Variants in CCDC180 observed in about 807,000 individuals in gnomAD.
CCDC180 encodes the protein coiled-coil domain-containing protein 180.
A neutral mutation model predicts 209.2 loss-of-function variants in CCDC180; 154 were observed. The observed-to-expected ratio is 0.74, with a 90% confidence interval of 0.65 to 0.84. The LOEUF (loss-of-function observed/expected upper bound fraction) is 0.84, where lower values mean the gene tolerates loss of function less well. Among genes scored for constraint, CCDC180 ranks in the 40% least tolerant of loss-of-function variants. The probability of loss-of-function intolerance (pLI) is 0.00; values close to 1 mark genes in which losing one functional copy is unlikely to be tolerated. For synonymous variants in CCDC180, 778 were observed against 749.1 expected (o/e 1.04, Z -0.63); for missense variants, 1,874 against 1,997.3 (o/e 0.94, Z 1.18).
intron 18 of CCDC180, among the ~76,000 whole-genome samples, chr9:97,334,221 T>C (rs1254395181): frequency 6.6e-6 from 1 of 152,178 alleles, no homozygotes; most frequent in Non-Finnish European, 1.5e-5. Context: ...CTCACTCAGC[T>C]ACTAATGGAA....
intron 10 of CCDC180, among the ~76,000 whole-genome samples, chr9:97,319,293 TAAAATA>T (rs1221379222): frequency 6.6e-6 from 1 of 151,336 alleles, no homozygotes; most frequent in African/African-American, 2.4e-5. Context: ...CCCTGGAACT[TAAAATA>T]AAAATAAAAA....
intron 9 of CCDC180, 138 bp downstream of exon 9, chr9:97,317,366 A>G: frequency 1.4e-6 from 1 of 725,372 alleles, no homozygotes; most frequent in Non-Finnish European, 2.1e-6. Flanking sequence ...TTAGAAATAG[A>G]TAAAGGTATA....
At chr9:97,320,354 G>A (rs1833319394) in intron 11 of CCDC180, 149 bp downstream of exon 11, 1 of 714,702 alleles carries the variant, frequency 1.4e-6, no homozygotes, top group South Asian at 1.7e-5. Flanking sequence ...GGGCTCAAAA[G>A]GCCCCCCTCC....
rs1345633549 is a variant in CCDC180, at chr9:97,362,208, A to C, written c.3669A>C (p.Thr1223=). ...VIRKLLQLPN[T]KWPTHHCDKD... is the part of the protein sequence containing the mutation. The stretch of plus-strand genomic sequence containing the variant: ...CCTTTGGTTTCAGACTTCCCAACAC[A>C]AAATGGCCAACCCACCATTGTGACA... Residue 1223 remains threonine, a synonymous_variant, in exon 28 of 37, where the codon ACA becomes ACC. Coordinates refer to ENST00000529487, the MANE Select transcript of CCDC180 (RefSeq NM_020893.6). 1 of 1,612,544 alleles carries C rather than the reference A, an allele frequency of 6.2e-7. No individual in the cohort carries two copies. The highest frequency in any genetic ancestry group is 2.2e-5 in the East Asian group (1 of 44,818).
chr9:97,369,664 CTCCTGGCCTCAAGCAA>C lies in CCDC180; in HGVS notation c.4190-253_4190-238del, dbSNP rs1827022069. 1.8e-5 allele frequency: 6 copies of C among 332,304 alleles called. No homozygotes were observed. In the South Asian group the frequency reaches 2.4e-4, roughly 13 times the overall value. 20.6% of individuals were successfully genotyped at this position (332,304 alleles called of 1,614,324 possible). A position where few individuals can be genotyped will look rare whatever the true frequency, so the allele number is the denominator to read the frequency against. ...GGGTCTTGCCCAAGCTGGTCTTGAA[CTCCTGGCCTCAAGCAA>C]TCCTCCCACCTCAGCCTCCCAAAGT... On this transcript the variant is annotated intron_variant, in intron 31 of 36. Transcript: ENST00000529487.
At chr9:97,327,883 G>A in intron 15 of CCDC180, 137 bp from the exon 16 acceptor site, 1 of 911,432 alleles carries the variant, frequency 1.1e-6, no homozygotes. Flanking sequence ...AAATAGCATA[G>A]CCAAGGACTG....
chr9:97,313,423 TC>T, intron 5 of CCDC180, 78 bp downstream of exon 5: 1 of 935,330 alleles, frequency 1.1e-6, no homozygotes. Context: ...CCAGCCTTCC[TC>T]CCCCTCTCCA....
At chr9:97,371,979 A>G (rs1000749810) in intron 34 of CCDC180, 3 of 255,936 alleles carry the variant, frequency 1.2e-5, no homozygotes, top group African/African-American at 4.4e-5. Context: ...CAGGAGAGCT[A>G]GAAGCCATAG....
intron 31 of CCDC180, chr9:97,369,719 G>A: frequency 3.8e-6 from 2 of 519,946 alleles, no homozygotes; most frequent in East Asian, 3.6e-5. Context: ...GGGATTACAG[G>A]TGTAAGCCAC....
intron 18 of CCDC180, among the ~76,000 whole-genome samples, chr9:97,335,734 A>T (rs931305734): frequency 8.5e-5 from 13 of 152,332 alleles, no homozygotes; most frequent in Admixed American, 5.9e-4. Flanking sequence ...CTAGTTCTAG[A>T]TCCTTGAGGA....
intron 10 of CCDC180, among the ~76,000 whole-genome samples, chr9:97,318,981 G>A (rs1384939408): frequency 1.3e-5 from 2 of 152,140 alleles, no homozygotes; most frequent in Non-Finnish European, 2.9e-5. Context: ...GAGGCTGGAG[G>A]CACCTGTCGG....
At chr9:97,363,231 G>A (rs1246458509) in intron 28 of CCDC180, among the ~76,000 whole-genome samples, 1 of 152,226 alleles carries the variant, frequency 6.6e-6, no homozygotes, top group African/African-American at 2.4e-5. Context: ...AGTTGGAAAT[G>A]AGGACAAAAA....
rs183614382 is a variant in CCDC180 at position 97,378,307 on chromosome 9, G to T, written c.*1413G>T. 3.0e-4 allele frequency: 45 copies of T among 152,322 alleles called. No individual in the cohort carries two copies. In the East Asian group the frequency reaches 8.7e-3, roughly 29 times the overall value. The allele number at this position is 152,322 out of a possible 1,614,324, so 9.4% of individuals were successfully genotyped here. A position where few individuals can be genotyped will look rare whatever the true frequency, so the allele number is the denominator to read the frequency against. ...AAAATGGAATCATAACATGCATTAGGTTCCATAAACTGCTTGGTAAATGTT... is the reference window on the plus strand; with the variant it reads ...AAAATGGAATCATAACATGCATTAGTTTCCATAAACTGCTTGGTAAATGTT... On this transcript the variant is annotated 3_prime_UTR_variant, in exon 37 of 37. Transcript: ENST00000529487.
intron 18 of CCDC180, among the ~76,000 whole-genome samples, chr9:97,331,293 C>T (rs933162685): frequency 2.1e-4 from 32 of 152,142 alleles, no homozygotes; most frequent in African/African-American, 6.8e-4. Context: ...TTTATATGTA[C>T]CACATTTTAT....
In CCDC180 at chr9:97,369,993, A is replaced by G. The variant is rs779651111; in HGVS notation, c.4261A>G (p.Lys1421Glu). 1.9e-6 allele frequency: 3 copies of G among 1,614,052 alleles called. No homozygotes were observed. The highest frequency in any genetic ancestry group is 2.5e-6 in the Non-Finnish European group (3 of 1,180,028). ...GTGTTGGCTGGTGATGGAGAATTTC[A>G]AGGAACACCACTGGAAAAAGTTTTT... ...QVCWLVMENF[K>E]EHHWKKFFTS... The change falls in exon 32 of 37, where the codon AAG becomes GAG. Residue 1421 changes from lysine (K) to glutamate (E), a missense_variant. By Grantham distance (56) the Lys-to-Glu change is moderately conservative. Transcript: ENST00000529487.
At chr9:97,328,504 A>G (rs1291194124) in intron 16 of CCDC180, among the ~76,000 whole-genome samples, 1 of 151,754 alleles carries the variant, frequency 6.6e-6, no homozygotes, top group Non-Finnish European at 1.5e-5. Context: ...TGCAGCCCCC[A>G]CCAAATCCAA....
At chr9:97,315,012 C>T in intron 8 of CCDC180, 66 bp downstream of exon 8, 2 of 1,245,586 alleles carry the variant, frequency 1.6e-6, no homozygotes, top group African/African-American at 1.5e-5. Flanking sequence ...ACCCAGGGCA[C>T]CCCGAGCCTG....
intron 22 of CCDC180, among the ~76,000 whole-genome samples, chr9:97,352,959 A>T (rs1283274546): frequency 7.2e-6 from 1 of 139,798 alleles, no homozygotes; most frequent in Non-Finnish European, 1.5e-5. Flanking sequence ...ATATATATAT[A>T]TACACACACA....
intron 3 of CCDC180, among the ~76,000 whole-genome samples, chr9:97,311,186 C>G (rs1218973211): frequency 6.6e-6 from 1 of 152,166 alleles, no homozygotes; most frequent in Non-Finnish European, 1.5e-5. Flanking sequence ...TAAACCAAGC[C>G]CCAAGTCCCT....
Sources: gnomAD v4.1 joint callset for allele counts (sites outside exome capture counted in the v4.1 genomes callset) on GRCh38, gnomAD v4.1.1 for gene constraint, MANE v1.5 for transcripts, NCBI Gene and HGNC (gene_info 2026-07-23, HGNC 2026-07-21) for gene names.